The following RABGAP1L variants were observed in gnomAD, a reference collection of about 807,000 sequenced individuals.
RABGAP1L encodes rab GTPase-activating protein 1-like.
A neutral mutation model predicts 137.7 loss-of-function variants in RABGAP1L; 63 were observed. That is an observed-to-expected ratio of 0.46 (90% CI 0.37 to 0.56). RABGAP1L has a LOEUF of 0.56. Among genes scored for constraint, RABGAP1L ranks in the 20% least tolerant of loss-of-function variants. RABGAP1L has a pLI of 0.00. For missense variants in RABGAP1L, 1,095 were observed against 1,244.0 expected, an observed-to-expected ratio of 0.88 and a Z score of 1.80; for synonymous variants, 431 against 433.7, an observed-to-expected ratio of 0.99 and a Z score of 0.08.
chr1:174,199,616 A>G (rs897354701), intron 1 of RABGAP1L, among the ~76,000 whole-genome samples: 1 of 152,148 alleles, frequency 6.6e-6, no homozygotes, highest in Admixed American at 6.5e-5. Context: ...CAATTCTAAA[A>G]CATTCTGTTT....
chr1:174,906,627 C>G (rs1172793701), intron 19 of RABGAP1L, among the ~76,000 whole-genome samples: 1 of 151,436 alleles, frequency 6.6e-6, no homozygotes, highest in Non-Finnish European at 1.5e-5. Context: ...GATTCCATCT[C>G]AAAAAATAAA....
chr1:174,511,612 C>G (rs948190736), intron 13 of RABGAP1L, among the ~76,000 whole-genome samples: 1 of 150,040 alleles, frequency 6.7e-6, no homozygotes, highest in African/African-American at 2.4e-5. Flanking sequence ...GTGGGCTTTT[C>G]TTTTCTTTCT....
chr1:174,698,424 A>C lies in RABGAP1L; in HGVS notation c.1900-1101A>C, dbSNP rs752059139. ...TATTTTACAGAAAGTAGCAACATCAAGAAAACGCAGGGAGGATAGTCTCAC... is the reference window on the plus strand; with the variant it reads ...TATTTTACAGAAAGTAGCAACATCACGAAAACGCAGGGAGGATAGTCTCAC... On this transcript the variant is annotated intron_variant, in intron 15 of 25. Coordinates refer to ENST00000681986, the MANE Select transcript of RABGAP1L (RefSeq NM_001366446.1). Among the ~76,000 whole-genome samples, 59 of 152,232 alleles carry C rather than the reference A, an allele frequency of 3.9e-4. 1 individual carries two copies. The highest frequency in any genetic ancestry group is 1.1e-3 in the Admixed American group (17 of 15,284).
chr1:174,466,737 A>C (rs1657337215), intron 13 of RABGAP1L, among the ~76,000 whole-genome samples: 1 of 152,206 alleles, frequency 6.6e-6, no homozygotes, highest in Non-Finnish European at 1.5e-5. Flanking sequence ...CAATGAGCCA[A>C]GATCACGCCA....
At chr1:174,456,945 T>C (rs994551989) in intron 13 of RABGAP1L, among the ~76,000 whole-genome samples, 35 of 152,264 alleles carry the variant, frequency 2.3e-4, no homozygotes, top group Middle Eastern at 3.4e-3. Context: ...ATAAATTAGG[T>C]CAATAAATAT....
intron 13 of RABGAP1L, among the ~76,000 whole-genome samples, chr1:174,447,705 C>A (rs1366937040): frequency 6.6e-6 from 1 of 152,104 alleles, no homozygotes; most frequent in Non-Finnish European, 1.5e-5. Flanking sequence ...AGCTTTTCTT[C>A]CTTTGGCAAT....
At chr1:174,356,928 T>G (rs922837155) in intron 11 of RABGAP1L, among the ~76,000 whole-genome samples, 1 of 152,186 alleles carries the variant, frequency 6.6e-6, no homozygotes, top group Non-Finnish European at 1.5e-5. Context: ...TTTACAACAC[T>G]ATGTAATTGA....
rs145109558 is a variant in RABGAP1L at position 174,655,715 on chromosome 1, A to G, written c.1824+18227A>G. Among the ~76,000 whole-genome samples, 5 of 152,352 alleles carry G rather than the reference A, an allele frequency of 3.3e-5. No homozygotes were observed. The East Asian group carries it at 9.6e-4, about 29-fold the overall frequency. On this transcript the variant is annotated intron_variant, in intron 14 of 25. Transcript: ENST00000681986. ...TAGTTTATTTATATGTTATATCAAT[A>G]TGGACTCATGAATTCTCATTTTATT...
At chr1:174,476,272 G>T (rs911847268) in intron 13 of RABGAP1L, among the ~76,000 whole-genome samples, 3 of 151,954 alleles carry the variant, frequency 2.0e-5, no homozygotes, top group Non-Finnish European at 4.4e-5. Context: ...TATTTTAATT[G>T]TATTAATTTT....
chr1:174,590,411 A>T (rs1294223834), intron 13 of RABGAP1L, among the ~76,000 whole-genome samples: 4 of 121,668 alleles, frequency 3.3e-5, no homozygotes, highest in Non-Finnish European at 6.7e-5. Context: ...CAGGTTAGTT[A>T]CATATGTATA....
intron 13 of RABGAP1L, chr1:174,548,032 AT>A (rs1439575388): frequency 4.5e-6 from 7 of 1,550,478 alleles, no homozygotes; most frequent in African/African-American, 1.4e-5. Context: ...ACACCAACTT[AT>A]TAAGAGGCTT....
intron 19 of RABGAP1L, among the ~76,000 whole-genome samples, chr1:174,819,316 G>T (rs1329574919): frequency 6.6e-6 from 1 of 151,814 alleles, no homozygotes; most frequent in African/African-American, 2.4e-5. Context: ...ATTTTTGGAG[G>T]ATGGGAAAGA....
intron 13 of RABGAP1L, among the ~76,000 whole-genome samples, chr1:174,575,270 T>A (rs1668290308): frequency 2.6e-5 from 4 of 152,212 alleles, no homozygotes; most frequent in Admixed American, 2.6e-4. Flanking sequence ...ATGGGATAAC[T>A]TTTTACCTGG....
chr1:174,700,908 A>G lies in RABGAP1L; in HGVS notation c.2026-1205A>G, dbSNP rs1027501750. The G allele has an allele frequency of 1.1e-5, 4 of 348,928 alleles. No individual in the cohort carries two copies. In the Admixed American group the frequency reaches 1.8e-4, roughly 16 times the overall value. 21.6% of individuals were successfully genotyped at this position (348,928 alleles called of 1,614,324 possible). On this transcript the variant is annotated intron_variant, in intron 16 of 25. Transcript: ENST00000681986. The stretch of plus-strand genomic sequence containing the variant: ...CTTTGAGAATCAAGTAAATATACCT[A>G]ATAAATAACAGATGTGTGGTACTAT...
At chr1:174,208,365 TTTTA>T (rs772963448) in intron 1 of RABGAP1L, among the ~76,000 whole-genome samples, 9 of 152,132 alleles carry the variant, frequency 5.9e-5, no homozygotes, top group Non-Finnish European at 1.2e-4. Context: ...TCTGTATACG[TTTTA>T]TTTCTTCCAA....
intron 13 of RABGAP1L, among the ~76,000 whole-genome samples, chr1:174,541,169 A>T (rs1199727361): frequency 6.6e-6 from 1 of 152,200 alleles, no homozygotes; most frequent in Non-Finnish European, 1.5e-5. Context: ...GAAGTTGCTT[A>T]TCAGCTTAGG....
intron 17 of RABGAP1L, among the ~76,000 whole-genome samples, chr1:174,725,634 C>A (rs1436203922): frequency 6.6e-6 from 1 of 151,876 alleles, no homozygotes; most frequent in Admixed American, 6.6e-5. Context: ...AGTGCAGGTG[C>A]CTTATGTGTC....
intron 17 of RABGAP1L, among the ~76,000 whole-genome samples, chr1:174,704,114 C>T (rs1679876191): frequency 2.0e-5 from 3 of 152,196 alleles, no homozygotes; most frequent in South Asian, 4.1e-4. Flanking sequence ...TCTCCTGCCT[C>T]GGCCTCCCAG....
At chr1:174,757,461 T>G (rs73026469) in intron 18 of RABGAP1L, among the ~76,000 whole-genome samples, 2,587 of 150,974 alleles carry the variant, frequency 0.017, 79 homozygotes, top group African/African-American at 0.06. Context: ...TCCCATACTC[T>G]TCAAAAATTT....
Sources: gnomAD v4.1 joint callset for allele counts (sites outside exome capture counted in the v4.1 genomes callset) on GRCh38, gnomAD v4.1.1 for gene constraint, MANE v1.5 for transcripts, NCBI Gene and HGNC (gene_info 2026-07-23, HGNC 2026-07-21) for gene names.